The following GRK1 variants were observed in gnomAD, a reference collection of about 807,000 sequenced individuals.
The protein encoded by GRK1 is rhodopsin kinase GRK1.
A neutral mutation model predicts 41.7 loss-of-function variants in GRK1; 28 were observed. The ratio of observed to expected loss-of-function variants is 0.67; its 90% CI spans 0.50 to 0.92. The LOEUF is 0.92. Among genes scored for constraint, GRK1 ranks in the 40% least tolerant of loss-of-function variants. The pLI, the probability that GRK1 is intolerant of heterozygous loss-of-function variation, is 0.00. For missense variants in GRK1, 703 were observed against 671.2 expected, an observed-to-expected ratio of 1.05 and a Z score of -0.52; for synonymous variants, 327 against 286.7, an observed-to-expected ratio of 1.14 and a Z score of -1.42.
chr13:113,654,744 C>T, the GRK1 span: 30 of 1,546,790 alleles, frequency 1.9e-5, no homozygotes, highest in African/African-American at 3.3e-4. Flanking sequence ...GTCCCCCGGG[C>T]GTCTCCAGAG....
In GRK1 at chr13:113,731,184, A is replaced by G; in HGVS notation, c.1070-35A>G. On this transcript the variant is annotated intron_variant, in intron 4 of 6. Coordinates refer to ENST00000335678, the MANE Select transcript of GRK1 (RefSeq NM_002929.3). This position sits in a 1 kb window ranked among gnomAD's most constrained non-coding sequence, Gnocchi z 5.6. Reference sequence around the variant, plus strand: ...GGAGTGCGTGCCCACCATGGAGGTGACCACCTCTGAACCCGCAATGTCCCT... The same window carrying G: ...GGAGTGCGTGCCCACCATGGAGGTGGCCACCTCTGAACCCGCAATGTCCCT... 1 of 1,532,730 alleles carries G rather than the reference A, an allele frequency of 6.5e-7. No individual in the cohort carries two copies. Among genetic ancestry groups the G allele is most frequent in the Non-Finnish European group, 8.7e-7 (1 of 1,143,868 alleles). The allele number at this position is 1,532,730 out of a possible 1,614,324, so 94.9% of individuals were successfully genotyped here.
the GRK1 span, among the ~76,000 whole-genome samples, chr13:113,650,105 A>G: frequency 2.9e-3 from 441 of 151,998 alleles, 1 homozygote; most frequent in African/African-American, 1.0e-2. The surrounding 1 kb of genome is among the most constrained non-coding windows in gnomAD (Gnocchi z 5.0). Context: ...TGAGGCTGCA[A>G]TGAGCTAAGA....
Position 113,667,636 on chromosome 13 carries a change from C to T in GRK1, c.250C>T (p.Pro84Ser), listed in dbSNP as rs776613228. ...CCTACAATCGGCAGAGAAGCACCTGCCGGCCCTGGAGCTCTGGAAAGACAT... is the reference window on the plus strand; with the variant it reads ...CCTACAATCGGCAGAGAAGCACCTGTCGGCCCTGGAGCTCTGGAAAGACAT... ...QFLQSAEKHL[P>S]ALELWKDIED... Residue 84 changes from proline (P) to serine (S), a missense_variant, in exon 1 of 7, where the codon CCG (proline) becomes TCG (serine). By Grantham distance (74) the Pro-to-Ser change is moderately conservative. Coordinates refer to ENST00000335678, the MANE Select transcript of GRK1 (RefSeq NM_002929.3). This position sits in a 1 kb window ranked among gnomAD's most constrained non-coding sequence, Gnocchi z 7.5. The T allele has an allele frequency of 1.3e-5, 21 of 1,613,418 alleles. No individual in the cohort carries two copies. Among genetic ancestry groups the T allele is most frequent in the Non-Finnish European group, 1.5e-5 (18 of 1,179,904 alleles).
At chr13:113,667,054 C>T (rs78415590), upstream of GRK1, 1,123 of 201,686 alleles carry the variant, frequency 5.6e-3, 13 homozygotes, top group African/African-American at 0.024. This position sits in a 1 kb window ranked among gnomAD's most constrained non-coding sequence, Gnocchi z 7.5. Context: ...AAAAGTGAGG[C>T]GGCCCCTTGG....
chr13:113,671,503 C>T lies in GRK1; in HGVS notation c.832C>T (p.His278Tyr). 1 of 779,340 alleles carries T rather than the reference C, an allele frequency of 1.3e-6. No individual in the cohort carries two copies. The highest frequency in any genetic ancestry group is 2.4e-6 in the Non-Finnish European group (1 of 417,966). 48.3% of individuals were successfully genotyped at this position (779,340 alleles called of 1,614,324 possible). The change falls in exon 3 of 7, where the codon CAC becomes TAC. Residue 278 changes from histidine to tyrosine, a missense_variant. Transcript: ENST00000335678. This position sits in a 1 kb window ranked among gnomAD's most constrained non-coding sequence, Gnocchi z 4.1. Reference sequence around the variant, plus strand: ...TTCCCACGTGTCTTCCCCCAGGTACCACATCTACAACGTGAATGAGGAGAA... The same window carrying T: ...TTCCCACGTGTCTTCCCCCAGGTACTACATCTACAACGTGAATGAGGAGAA... ...TIMNGGDIRY[H>Y]IYNVNEENPG...
intron 4 of GRK1, among the ~76,000 whole-genome samples, chr13:113,728,696 C>A (rs1594577188): frequency 6.6e-6 from 1 of 152,300 alleles, no homozygotes; most frequent in South Asian, 2.1e-4. Flanking sequence ...AGTGCCTGAG[C>A]CGAGACAGGT....
chr13:113,668,553 G>T (rs1352378553), intron 1 of GRK1, among the ~76,000 whole-genome samples: 2 of 152,262 alleles, frequency 1.3e-5, no homozygotes, highest in Non-Finnish European at 1.5e-5. Flanking sequence ...GCAGAGCCTG[G>T]CGTGACGCCG....
At chr13:113,732,730 C>T (rs1349092195) in intron 5 of GRK1, 154 bp from the exon 6 acceptor site, 1 of 273,022 alleles carries the variant, frequency 3.7e-6, no homozygotes, top group Non-Finnish European at 5.6e-6. Flanking sequence ...GAGACTGGAG[C>T]CTCAAACGCT....
the GRK1 span, chr13:113,654,990 G>T: frequency 1.2e-6 from 2 of 1,609,704 alleles, no homozygotes; most frequent in Non-Finnish European, 1.7e-6. Context: ...CCATTTTAAC[G>T]CACACAATTC....
At chr13:113,733,700 T>G (rs1042854534) in intron 6 of GRK1, among the ~76,000 whole-genome samples, 4 of 142,160 alleles carry the variant, frequency 2.8e-5, no homozygotes, top group African/African-American at 1.1e-4. Context: ...TGCATACATG[T>G]GTGCGTGTGT....
the GRK1 span, chr13:113,652,713 C>T: frequency 2.6e-6 from 2 of 780,360 alleles, no homozygotes; most frequent in African/African-American, 1.7e-5. Flanking sequence ...CCACACGGGA[C>T]AGGTGCGTGC....
upstream of GRK1, among the ~76,000 whole-genome samples, chr13:113,666,445 G>T (rs2049819792): frequency 6.6e-6 from 1 of 151,202 alleles, no homozygotes; most frequent in African/African-American, 2.4e-5. Context: ...TCCCAGGTGT[G>T]TCCCAGGTGT....
At chr13:113,665,027 C>T (rs76030105), upstream of GRK1, among the ~76,000 whole-genome samples, 1,068 of 152,316 alleles carry the variant, frequency 7.0e-3, 13 homozygotes, top group African/African-American at 0.024. Context: ...GACGTCGGCT[C>T]GGTCTGCGGG....
intron 2 of GRK1, among the ~76,000 whole-genome samples, chr13:113,670,022 G>A (rs564861430): frequency 2.0e-5 from 3 of 152,190 alleles, no homozygotes; most frequent in Non-Finnish European, 2.9e-5. Flanking sequence ...CCTGGGAGGC[G>A]CCCAACCTGA....
At chr13:113,664,126 G>A (rs1008354673), upstream of GRK1, among the ~76,000 whole-genome samples, 1 of 152,150 alleles carries the variant, frequency 6.6e-6, no homozygotes, top group African/African-American at 2.4e-5. The surrounding 1 kb of genome is among the most constrained non-coding windows in gnomAD (Gnocchi z 5.4). Flanking sequence ...AGTGCTGAGT[G>A]AGAAATGCAG....
chr13:113,735,332 C>A lies in GRK1; in HGVS notation c.1661C>A (p.Ser554Ter). Residue 554 changes from serine (S) to a stop codon, truncating the protein, a stop_gained, in exon 7 of 7, where the codon TCG becomes TAG. Coordinates refer to ENST00000335678, the MANE Select transcript of GRK1 (RefSeq NM_002929.3). LOFTEE classifies it high-confidence loss of function. Reference protein sequence around the residue: ...MKGISGGSSSSSKSGMCLVS With the variant: ...MKGISGGSSS ...GGCATCTCCGGGGGCTCCAGCTCCT[C>A]GTCCAAGTCAGGGATGTGTCTGGTT... 6.6e-7 allele frequency: 1 copy of A among 1,522,562 alleles called. No homozygotes were observed. The highest frequency in any genetic ancestry group is 8.8e-7 in the Non-Finnish European group (1 of 1,137,552). 94.3% of individuals were successfully genotyped at this position (1,522,562 alleles called of 1,614,324 possible).
upstream of GRK1, among the ~76,000 whole-genome samples, chr13:113,665,329 C>T (rs965667271): frequency 6.6e-6 from 1 of 152,050 alleles, no homozygotes; most frequent in Non-Finnish European, 1.5e-5. Context: ...TGACCATCCC[C>T]AGGTGTGTCC....
At chr13:113,729,518 A>G (rs955216204) in intron 4 of GRK1, among the ~76,000 whole-genome samples, 1 of 152,216 alleles carries the variant, frequency 6.6e-6, no homozygotes, top group Non-Finnish European at 1.5e-5. Flanking sequence ...CGGCAGCGTC[A>G]TGGCAGCTGG....
rs375719924 is a variant in GRK1 at position 113,723,188 on chromosome 13, C to T, written c.1069+31C>T. 1.7e-5 allele frequency: 12 copies of T among 692,274 alleles called. No homozygotes were observed. In the African/African-American group the frequency reaches 1.8e-4, roughly 10 times the overall value. The allele number at this position is 692,274 out of a possible 1,614,324, so 42.9% of individuals were successfully genotyped here. ...GGTCTGAGCGCAGCTGGGGAGGCTC[C>T]GTGCATGGGTTACGTCCCTGTGTAC... On this transcript the variant is annotated intron_variant, in intron 4 of 6. Coordinates refer to ENST00000335678, the MANE Select transcript of GRK1 (RefSeq NM_002929.3).
Sources: allele counts gnomAD v4.1 joint callset (sites outside exome capture counted in the v4.1 genomes callset), GRCh38; gene constraint gnomAD v4.1.1; non-coding constraint Gnocchi (gnomAD v3.1); transcripts MANE v1.5; gene names NCBI Gene and HGNC (gene_info 2026-07-23, HGNC 2026-07-21).